Variants in RFX4 observed in about 807,000 individuals in gnomAD.
The protein encoded by RFX4 is transcription factor RFX4.
Under a neutral mutation model 95.0 loss-of-function variants are expected in RFX4, and 10 were observed. That is an observed-to-expected ratio of 0.11 (90% CI 0.06 to 0.18). The LOEUF is 0.18. Among genes scored for constraint, RFX4 ranks in the 10% least tolerant of loss-of-function variants. The probability of loss-of-function intolerance (pLI) is 1.00; values close to 1 mark genes in which losing one functional copy is unlikely to be tolerated. For synonymous variants in RFX4, 321 were observed against 340.7 expected (o/e 0.94, Z 0.64); for missense variants, 640 against 922.0 (o/e 0.69, Z 3.96).
chr12:106,633,758 A>G (rs1252074011), intron 2 of RFX4, among the ~76,000 whole-genome samples: 1 of 152,204 alleles, frequency 6.6e-6, no homozygotes, highest in African/African-American at 2.4e-5. Context: ...TGGGAAAAAA[A>G]CCTGATATAA....
At chr12:106,738,384 A>C (rs2042750119) in intron 15 of RFX4, among the ~76,000 whole-genome samples, 1 of 152,200 alleles carries the variant, frequency 6.6e-6, no homozygotes, top group Non-Finnish European at 1.5e-5. Context: ...AAAGATGTCT[A>C]GGATCTTCTC....
intron 17 of RFX4, among the ~76,000 whole-genome samples, chr12:106,760,609 A>G (rs1018623537): frequency 1.3e-5 from 2 of 152,200 alleles, no homozygotes; most frequent in Non-Finnish European, 1.5e-5. Context: ...TCTAAATGAT[A>G]GGCACTAATA....
In RFX4 at chr12:106,677,357, G is replaced by A. The variant is rs80165612; in HGVS notation, c.316-4636G>A. 9.6e-3 allele frequency among the ~76,000 whole-genome samples: 1,468 copies of A among 152,226 alleles called. 13 individuals are homozygous for A. Among genetic ancestry groups the A allele is most frequent in the Non-Finnish European group, 0.016 (1,092 of 68,024 alleles). On this transcript the variant is annotated intron_variant, in intron 4 of 17. Transcript: ENST00000392842. ...TCCAGGCACAGGGAACAGCACTGTGGATGTGGGAGCAACATAAGCCTGGAG... is the reference window on the plus strand; with the variant it reads ...TCCAGGCACAGGGAACAGCACTGTGAATGTGGGAGCAACATAAGCCTGGAG...
intron 2 of RFX4, among the ~76,000 whole-genome samples, chr12:106,623,209 T>C (rs1216056969): frequency 6.6e-6 from 1 of 151,064 alleles, no homozygotes; most frequent in East Asian, 2.0e-4. Context: ...TGGCTAATTT[T>C]TTGTATTTTT....
intron 3 of RFX4, among the ~76,000 whole-genome samples, chr12:106,651,783 T>C (rs2040861675): frequency 6.6e-6 from 1 of 152,188 alleles, no homozygotes; most frequent in Admixed American, 6.5e-5. Flanking sequence ...TGCGGGAATA[T>C]GGGTCCAGTG....
At chr12:106,583,945 AG>A (rs2039413823) in intron 1 of RFX4, among the ~76,000 whole-genome samples, 2 of 152,288 alleles carry the variant, frequency 1.3e-5, no homozygotes, top group South Asian at 4.1e-4. Context: ...GGGAGGTGGG[AG>A]TCCTGGGCTG....
chr12:106,752,120 C>G (rs1445025520), intron 17 of RFX4, among the ~76,000 whole-genome samples: 1 of 150,844 alleles, frequency 6.6e-6, no homozygotes, highest in African/African-American at 2.4e-5. Flanking sequence ...TTGTATAAGG[C>G]GTAAGGAAGG....
At chr12:106,614,757 C>T (rs1478321790) in intron 2 of RFX4, among the ~76,000 whole-genome samples, 1 of 152,022 alleles carries the variant, frequency 6.6e-6, no homozygotes, top group African/African-American at 2.4e-5. Flanking sequence ...GATCTACCCG[C>T]CTTGGCCTCC....
rs2041529974 is a variant in RFX4 at position 106,682,241 on chromosome 12, C to CAA, written c.377+190_377+191dup. ...CAGGACTCCTGAAAGAGAGGTTGTC[C>CAA]AAAAGCCCAAGACGAGTTGGCTCTG... On this transcript the variant is annotated intron_variant, in intron 5 of 17. Coordinates refer to ENST00000392842, the MANE Select transcript of RFX4 (RefSeq NM_213594.3). The CAA allele has an allele frequency of 8.4e-6, 5 of 593,976 alleles. No homozygotes were observed. In the African/African-American group the frequency reaches 9.3e-5, roughly 11 times the overall value. 36.8% of individuals were successfully genotyped at this position (593,976 alleles called of 1,614,324 possible). A position where few individuals can be genotyped will look rare whatever the true frequency, so the allele number is the denominator to read the frequency against.
At chr12:106,758,587 G>C (rs1156298283) in intron 17 of RFX4, among the ~76,000 whole-genome samples, 1 of 152,158 alleles carries the variant, frequency 6.6e-6, no homozygotes, top group Admixed American at 6.5e-5. Flanking sequence ...CCAAGGCAAG[G>C]GGGACTCTGT....
At chr12:106,624,805 A>G (rs553670587) in intron 2 of RFX4, among the ~76,000 whole-genome samples, 118 of 152,306 alleles carry the variant, frequency 7.7e-4, no homozygotes, top group Non-Finnish European at 1.3e-3. Flanking sequence ...CTATCATAAT[A>G]TTGCCTTGGA....
chr12:106,717,111 G>T (rs2042309626), intron 11 of RFX4, among the ~76,000 whole-genome samples: 1 of 151,920 alleles, frequency 6.6e-6, no homozygotes, highest in Non-Finnish European at 1.5e-5. Context: ...TCCCCTGATG[G>T]AAAGTCAACA....
At chr12:106,625,211 C>A (rs1313885743) in intron 2 of RFX4, among the ~76,000 whole-genome samples, 1 of 152,156 alleles carries the variant, frequency 6.6e-6, no homozygotes, top group African/African-American at 2.4e-5. Context: ...TTACTGAGGT[C>A]TTCTGATATC....
intron 17 of RFX4, among the ~76,000 whole-genome samples, chr12:106,759,203 C>A (rs913665486): frequency 6.6e-6 from 1 of 152,104 alleles, no homozygotes; most frequent in African/African-American, 2.4e-5. Flanking sequence ...AAGCTGAGAT[C>A]TAAAGAATGA....
In RFX4 at chr12:106,761,564, C is replaced by T. The variant is rs542617839; in HGVS notation, c.*95C>T. The stretch of plus-strand genomic sequence containing the variant: ...TCCCCCAGAAGACTTTATCTCTATA[C>T]ATTGTAACTCATGGGCTATTCCTAA... On this transcript the variant is annotated 3_prime_UTR_variant, in exon 18 of 18. Transcript: ENST00000392842. The T allele has an allele frequency of 2.2e-6, 2 of 903,984 alleles. No individual in the cohort carries two copies. Among genetic ancestry groups the T allele is most frequent in the South Asian group, 4.9e-5 (1 of 20,246 alleles). 56.0% of individuals were successfully genotyped at this position (903,984 alleles called of 1,614,324 possible).
At chr12:106,689,010 CA>C (rs1478718225) in intron 6 of RFX4, among the ~76,000 whole-genome samples, 1 of 152,116 alleles carries the variant, frequency 6.6e-6, no homozygotes, top group Non-Finnish European at 1.5e-5. Context: ...CTCACAGTCT[CA>C]GGGGGTGGAA....
intron 1 of RFX4, among the ~76,000 whole-genome samples, chr12:106,595,027 C>T (rs1464480021): frequency 1.3e-5 from 2 of 152,016 alleles, no homozygotes; most frequent in Non-Finnish European, 2.9e-5. Flanking sequence ...ACAAGTGAGT[C>T]CCTTTTGGAA....
intron 10 of RFX4, 146 bp from the exon 11 acceptor site, chr12:106,715,253 TG>T: frequency 2.4e-6 from 2 of 834,092 alleles, no homozygotes; most frequent in Non-Finnish European, 3.7e-6. Context: ...CAGAGTCTTC[TG>T]GTGCTTTCCT....
At chr12:106,615,592 A>G (rs2040056888) in intron 2 of RFX4, among the ~76,000 whole-genome samples, 1 of 152,190 alleles carries the variant, frequency 6.6e-6, no homozygotes, top group Non-Finnish European at 1.5e-5. Flanking sequence ...AACAACATCA[A>G]ATTTCCAATT....
Sources: allele counts gnomAD v4.1 joint callset (sites outside exome capture counted in the v4.1 genomes callset), GRCh38; gene constraint gnomAD v4.1.1; transcripts MANE v1.5; gene names NCBI Gene and HGNC (gene_info 2026-07-23, HGNC 2026-07-21).